FAM13B: variants seen among roughly 807,000 people sequenced by gnomAD.
FAM13B encodes the protein protein FAM13B.
Under a neutral mutation model 117.3 loss-of-function variants are expected in FAM13B, and 60 were observed. The ratio of observed to expected loss-of-function variants is 0.51; its 90% confidence interval spans 0.42 to 0.63. FAM13B has a LOEUF of 0.63. Among genes scored for constraint, FAM13B ranks in the 30% least tolerant of loss-of-function variants. The pLI, the probability that FAM13B is intolerant of heterozygous loss-of-function variation, is 0.00. For missense variants in FAM13B, 972 were observed against 1,091.9 expected (o/e 0.89, Z 1.55); for synonymous variants, 332 against 356.1 (o/e 0.93, Z 0.76).
chr5:137,966,475 A>G (rs1430580809), intron 10 of FAM13B, among the ~76,000 whole-genome samples: 1 of 78,224 alleles, frequency 1.3e-5, no homozygotes, highest in Non-Finnish European at 2.5e-5. Flanking sequence ...ATATATATAT[A>G]TATATATATA....
At chr5:138,013,788 T>C (rs1784618413) in intron 4 of FAM13B, among the ~76,000 whole-genome samples, 1 of 152,200 alleles carries the variant, frequency 6.6e-6, no homozygotes, top group African/African-American at 2.4e-5. Context: ...ATATTATCAA[T>C]ATAATGAAGA....
In FAM13B at chr5:138,000,639, C is replaced by G. The variant is rs375093616; in HGVS notation, c.848+6351G>C. Reference sequence around the variant, plus strand: ...GTTACATTTTAGCTACAAACAGAAGCACCCAGGCCGGGAGAGGTGGCTTAT... The same window carrying G: ...GTTACATTTTAGCTACAAACAGAAGGACCCAGGCCGGGAGAGGTGGCTTAT... On this transcript the variant is annotated intron_variant, in intron 7 of 23. Coordinates refer to ENST00000689681, the MANE Select transcript of FAM13B (RefSeq NM_001385994.1). 1.5e-4 allele frequency among the ~76,000 whole-genome samples: 23 copies of G among 152,164 alleles called. No homozygotes were observed. The East Asian group carries it at 4.1e-3, about 27-fold the overall frequency.
chr5:137,980,676 G>C (rs1478146875), intron 10 of FAM13B, among the ~76,000 whole-genome samples: 1 of 151,718 alleles, frequency 6.6e-6, no homozygotes, highest in African/African-American at 2.4e-5. Context: ...CTGGGCTCAA[G>C]CGATCCACCT....
At chr5:137,970,973 G>A in intron 10 of FAM13B, among the ~76,000 whole-genome samples, 1 of 151,910 alleles carries the variant, frequency 6.6e-6, no homozygotes, top group East Asian at 1.9e-4. Flanking sequence ...AGTCCTGAGT[G>A]ACCTACAAAG....
At chr5:137,952,528 C>T in intron 17 of FAM13B, 100 bp downstream of exon 17, 1 of 797,276 alleles carries the variant, frequency 1.3e-6, no homozygotes, top group Non-Finnish European at 1.9e-6. Flanking sequence ...AAACAGTGCC[C>T]AAGATTTAAA....
intron 4 of FAM13B, among the ~76,000 whole-genome samples, chr5:138,017,097 T>C (rs72801655): frequency 5.9e-5 from 9 of 152,316 alleles, no homozygotes; most frequent in Non-Finnish European, 1.2e-4. Flanking sequence ...TAATAACATT[T>C]CGTTTTAAAA....
upstream of FAM13B, chr5:138,033,887 G>C (rs1315601695): frequency 6.6e-6 from 1 of 152,184 alleles, no homozygotes; most frequent in Non-Finnish European, 1.5e-5. Context: ...AAAAATAGCA[G>C]CCACCACAAT....
At chr5:137,979,100 C>T (rs1774884774) in intron 10 of FAM13B, among the ~76,000 whole-genome samples, 1 of 151,716 alleles carries the variant, frequency 6.6e-6, no homozygotes, top group Non-Finnish European at 1.5e-5. Context: ...GCAACCTCCT[C>T]CTCCTGGGTT....
intron 4 of FAM13B, among the ~76,000 whole-genome samples, chr5:138,012,215 TC>T (rs1784212421): frequency 1.3e-5 from 1 of 76,810 alleles, no homozygotes; most frequent in South Asian, 6.2e-4. Context: ...GCCCCAATTC[TC>T]TTTTTTTTTT....
intron 7 of FAM13B, among the ~76,000 whole-genome samples, chr5:137,998,095 G>C (rs929029623): frequency 2.0e-5 from 3 of 152,186 alleles, no homozygotes; most frequent in African/African-American, 7.2e-5. Flanking sequence ...GCCTATAAAA[G>C]CCCCAATGCT....
intron 12 of FAM13B, 122 bp downstream of exon 12, chr5:137,960,044 A>C (rs1767712577): frequency 1.4e-6 from 1 of 715,210 alleles, no homozygotes; most frequent in Admixed American, 3.2e-5. Context: ...TTAACTGTAA[A>C]ATATTTGGTA....
At chr5:138,043,479 C>T (rs1301830747) in intron 1 of FAM13B, among the ~76,000 whole-genome samples, 1 of 138,414 alleles carries the variant, frequency 7.2e-6, no homozygotes, top group Non-Finnish European at 1.5e-5. Context: ...CTTGCTCTGT[C>T]GCCAGGCCGA....
At position 137,942,362 on chromosome 5, in the gene FAM13B, ATTTG is replaced by A. The variant is rs1561724278; in HGVS notation, c.2589-321_2589-318del. On this transcript the variant is annotated intron_variant, in intron 22 of 23. Transcript: ENST00000689681. Reference sequence around the variant, plus strand: ...TGTTATAAATCAACTGTAGGATTTTATTTGTTTGTTTCCTTTTTTAGAGACAGAG... The same window carrying A: ...TGTTATAAATCAACTGTAGGATTTTATTTGTTTCCTTTTTTAGAGACAGAG... The A allele has an allele frequency of 2.4e-5, 7 of 288,072 alleles. No homozygotes were observed. In the East Asian group the frequency reaches 3.4e-4, roughly 14 times the overall value. The allele number at this position is 288,072 out of a possible 1,614,324, so 17.8% of individuals were successfully genotyped here.
chr5:137,961,892 C>A (rs1030282281), intron 11 of FAM13B, among the ~76,000 whole-genome samples: 1 of 152,218 alleles, frequency 6.6e-6, no homozygotes, highest in South Asian at 2.1e-4. Flanking sequence ...CTACATTAGT[C>A]GAAATACTCA....
intron 6 of FAM13B, among the ~76,000 whole-genome samples, chr5:138,008,618 T>G (rs537680192): frequency 1.3e-5 from 2 of 152,200 alleles, no homozygotes; most frequent in African/African-American, 4.8e-5. Context: ...GTTGAAAGGA[T>G]TAATATATGT....
At chr5:137,996,091 T>C (rs1013799772) in intron 7 of FAM13B, among the ~76,000 whole-genome samples, 2 of 152,184 alleles carry the variant, frequency 1.3e-5, no homozygotes, top group African/African-American at 2.4e-5. Flanking sequence ...ACTGAAGGCA[T>C]ATTTTCTCAG....
Position 137,940,248 on chromosome 5 carries a change from G to C in FAM13B, c.2791C>G (p.Gln931Glu), listed in dbSNP as rs1303742095. Residue 931 changes from glutamine (Q) to glutamate (E), a missense_variant, in exon 24 of 24, where the codon CAA becomes GAA. Gln to Glu is a conservative substitution (Grantham distance 29, BLOSUM62 2). Coordinates refer to ENST00000689681, the MANE Select transcript of FAM13B (RefSeq NM_001385994.1). ...TCTTATATGGATTTTGAAGAATCTT[G>C]TTTGCTTATAAGAACTTCAAGAAGC... ...LRLLEVLISK[Q>E]DSSKSI 1.9e-6 allele frequency: 3 copies of C among 1,613,870 alleles called. No individual in the cohort carries two copies. Among genetic ancestry groups the C allele is most frequent in the Admixed American group, 1.7e-5 (1 of 59,982 alleles).
intron 1 of FAM13B, among the ~76,000 whole-genome samples, chr5:138,038,867 A>G (rs1318369518): frequency 6.6e-6 from 1 of 152,240 alleles, no homozygotes; most frequent in Non-Finnish European, 1.5e-5. Context: ...CGATATGATC[A>G]TGATCTCTGC....
At chr5:138,003,091 C>T (rs1781689459) in intron 7 of FAM13B, among the ~76,000 whole-genome samples, 1 of 152,032 alleles carries the variant, frequency 6.6e-6, no homozygotes, top group Non-Finnish European at 1.5e-5. Flanking sequence ...ATAGAGGACA[C>T]ACCTATAAAC....
Sources: gnomAD v4.1 joint callset for allele counts (sites outside exome capture counted in the v4.1 genomes callset) on GRCh38, gnomAD v4.1.1 for gene constraint, MANE v1.5 for transcripts, NCBI Gene and HGNC (gene_info 2026-07-23, HGNC 2026-07-21) for gene names.